TAFA5: variants seen among roughly 807,000 people sequenced by gnomAD.
TAFA5 encodes chemokine-like protein TAFA-5.
Under a neutral mutation model 15.3 loss-of-function variants are expected in TAFA5, and 6 were observed. The ratio of observed to expected loss-of-function variants is 0.39; its 90% CI spans 0.21 to 0.77. The LOEUF is 0.77. Among genes scored for constraint, TAFA5 ranks in the 30% least tolerant of loss-of-function variants. The probability of loss-of-function intolerance (pLI) is 0.41; values close to 1 mark genes in which losing one functional copy is unlikely to be tolerated. For synonymous variants in TAFA5, 103 were observed against 80.7 expected (o/e 1.28, Z -1.48); for missense variants, 161 against 193.1 (o/e 0.83, Z 0.98).
At chr22:48,593,177 C>T (rs961951456) in intron 1 of TAFA5, among the ~76,000 whole-genome samples, 1 of 152,224 alleles carries the variant, frequency 6.6e-6, no homozygotes, top group African/African-American at 2.4e-5. Context: ...CCCAGCTTGA[C>T]GTCCTGAGGC....
At chr22:48,546,741 C>T in intron 1 of TAFA5, 1 of 379,146 alleles carries the variant, frequency 2.6e-6, no homozygotes, top group South Asian at 2.0e-5. Context: ...TCAAATGCCC[C>T]TCTGCAGTTC....
rs1601717665 is a variant in TAFA5, at chr22:48,751,581, G to A, written c.*1734G>A. On this transcript the variant is annotated 3_prime_UTR_variant, in exon 4 of 4. Transcript: ENST00000402357. ...ATCCATTTATTTAAGACCTGTTCCG[G>A]TATCCATGAGGACATAATTTACCTT... The A allele has an allele frequency of 6.6e-6, 1 of 152,368 alleles. No individual in the cohort carries two copies. The highest frequency in any genetic ancestry group is 2.4e-5 in the African/African-American group (1 of 41,460). 9.4% of individuals were successfully genotyped at this position (152,368 alleles called of 1,614,324 possible).
intron 3 of TAFA5, among the ~76,000 whole-genome samples, chr22:48,721,199 C>G (rs1194269975): frequency 6.6e-6 from 1 of 152,222 alleles, no homozygotes; most frequent in East Asian, 1.9e-4. Context: ...GCCTTAGACA[C>G]TGGAGTCTTC....
chr22:48,688,514 C>G (rs1928434492), intron 2 of TAFA5, among the ~76,000 whole-genome samples: 1 of 152,248 alleles, frequency 6.6e-6, no homozygotes, highest in African/African-American at 2.4e-5. Flanking sequence ...GGCCTTGGCC[C>G]TGTCTTGGCT....
At chr22:48,521,268 C>T (rs1921591760) in intron 1 of TAFA5, among the ~76,000 whole-genome samples, 1 of 152,108 alleles carries the variant, frequency 6.6e-6, no homozygotes, top group Admixed American at 6.5e-5. Context: ...TCCAGGAACC[C>T]CTCTTCCCGA....
At chr22:48,661,023 C>G (rs1927420733) in intron 2 of TAFA5, among the ~76,000 whole-genome samples, 1 of 152,164 alleles carries the variant, frequency 6.6e-6, no homozygotes, top group African/African-American at 2.4e-5. Context: ...CATTCCAGCT[C>G]CACTATTATG....
chr22:48,689,658 G>C (rs60213086), intron 2 of TAFA5, among the ~76,000 whole-genome samples: 1 of 29,678 alleles, frequency 3.4e-5, no homozygotes, highest in Non-Finnish European at 9.4e-5. Flanking sequence ...TAGCCCCTCG[G>C]GCGGACAGAC....
intron 1 of TAFA5, among the ~76,000 whole-genome samples, chr22:48,578,006 T>C (rs1195452223): frequency 6.6e-6 from 1 of 152,242 alleles, no homozygotes; most frequent in Admixed American, 6.5e-5. Context: ...TGTCCTCTGC[T>C]GGTGTCGCGT....
chr22:48,744,447 G>A (rs973556970), intron 3 of TAFA5, among the ~76,000 whole-genome samples: 1 of 152,204 alleles, frequency 6.6e-6, no homozygotes, highest in Non-Finnish European at 1.5e-5. Context: ...TGGAGGCATC[G>A]ATACCTGGTG....
intron 1 of TAFA5, among the ~76,000 whole-genome samples, chr22:48,498,579 C>A (rs535941016): frequency 3.9e-5 from 6 of 152,232 alleles, no homozygotes; most frequent in Non-Finnish European, 8.8e-5. Flanking sequence ...TCTTTGTTCT[C>A]GTTAAAGTTG....
chr22:48,609,538 G>A (rs1297062823), intron 1 of TAFA5, among the ~76,000 whole-genome samples: 2 of 152,192 alleles, frequency 1.3e-5, no homozygotes, highest in African/African-American at 4.8e-5. Context: ...CTCTGTCCAC[G>A]CCTCTGTCCA....
intron 1 of TAFA5, among the ~76,000 whole-genome samples, chr22:48,613,337 G>C (rs1472190843): frequency 6.6e-6 from 1 of 152,094 alleles, no homozygotes; most frequent in Non-Finnish European, 1.5e-5. Flanking sequence ...TCACCTCCTT[G>C]AGCTGATGTC....
intron 1 of TAFA5, among the ~76,000 whole-genome samples, chr22:48,577,717 G>T (rs78586684): frequency 0.019 from 2,820 of 152,320 alleles, 92 homozygotes; most frequent in African/African-American, 0.065. Flanking sequence ...CACGGGCCTG[G>T]TGTCCACTTC....
At chr22:48,658,524 C>T (rs977800483) in intron 2 of TAFA5, among the ~76,000 whole-genome samples, 3 of 152,336 alleles carry the variant, frequency 2.0e-5, no homozygotes, top group Admixed American at 6.5e-5. Context: ...TTGATGCGGC[C>T]GGCAGGTTCA....
At chr22:48,555,284 G>A (rs950763018) in intron 1 of TAFA5, among the ~76,000 whole-genome samples, 1 of 152,196 alleles carries the variant, frequency 6.6e-6, no homozygotes, top group African/African-American at 2.4e-5. Context: ...CGGCACGACC[G>A]GCTTCCCAGG....
At chr22:48,574,291 G>A (rs1044263425) in intron 1 of TAFA5, among the ~76,000 whole-genome samples, 15 of 152,142 alleles carry the variant, frequency 9.9e-5, no homozygotes, top group Non-Finnish European at 2.2e-4. Flanking sequence ...TGTTTTCGGG[G>A]GCAGGTGGAG....
intron 2 of TAFA5, among the ~76,000 whole-genome samples, chr22:48,655,497 G>C (rs140079081): frequency 6.6e-6 from 1 of 152,192 alleles, no homozygotes; most frequent in Non-Finnish European, 1.5e-5. Context: ...CCATCCTCAC[G>C]TGGTGGAAGG....
intron 1 of TAFA5, among the ~76,000 whole-genome samples, chr22:48,561,322 C>G (rs17713261): frequency 0.086 from 13,055 of 152,172 alleles, 589 homozygotes; most frequent in Middle Eastern, 0.15. Flanking sequence ...CCCCTGGCTG[C>G]AATGTTTCTG....
chr22:48,685,980 ACG>A, intron 2 of TAFA5, among the ~76,000 whole-genome samples: 1 of 149,208 alleles, frequency 6.7e-6, no homozygotes, highest in African/African-American at 2.6e-5. Flanking sequence ...CGCAGGCCCC[ACG>A]TGCGCCCCGG....
Sources: gnomAD v4.1 joint callset for allele counts (sites outside exome capture counted in the v4.1 genomes callset) on GRCh38, gnomAD v4.1.1 for gene constraint, MANE v1.5 for transcripts, NCBI Gene and HGNC (gene_info 2026-07-23, HGNC 2026-07-21) for gene names.